Variants in MCF2L2 observed in about 807,000 individuals in gnomAD.
MCF2L2 encodes MCF.2 cell line derived transforming sequence-like 2.
Under a neutral mutation model 150.2 loss-of-function variants are expected in MCF2L2, and 102 were observed. That is an observed-to-expected ratio of 0.68 (90% CI 0.58 to 0.80). MCF2L2 has a LOEUF of 0.80. Ranked by LOEUF, MCF2L2 falls within the 30% of genes least tolerant of loss-of-function variation. The pLI is 0.00. For missense variants in MCF2L2, 1,256 were observed against 1,372.8 expected (o/e 0.91, Z 1.34); for synonymous variants, 465 against 491.3 (o/e 0.95, Z 0.71).
chr3:183,219,185 A>G (rs566040811), intron 21 of MCF2L2, among the ~76,000 whole-genome samples: 1 of 152,314 alleles, frequency 6.6e-6, no homozygotes, highest in East Asian at 1.9e-4. Flanking sequence ...TAGAAATTAG[A>G]TATACTAAGA....
intron 15 of MCF2L2, chr3:183,273,191 G>A (rs1726933935): frequency 6.3e-6 from 3 of 475,210 alleles, no homozygotes; most frequent in Non-Finnish European, 1.1e-5. Context: ...ATGGTCACTT[G>A]AATAGAAGAT....
chr3:183,217,899 T>C (rs1210812117), intron 21 of MCF2L2, among the ~76,000 whole-genome samples: 1 of 152,234 alleles, frequency 6.6e-6, no homozygotes, highest in Non-Finnish European at 1.5e-5. Flanking sequence ...ATTGGGGTGA[T>C]TGTTTCAGCT....
intron 1 of MCF2L2, among the ~76,000 whole-genome samples, chr3:183,390,774 G>A (rs977924117): frequency 2.6e-5 from 4 of 152,184 alleles, no homozygotes; most frequent in Middle Eastern, 3.2e-3. Context: ...ATGTATGCCT[G>A]CGGTCCCAGC....
At chr3:183,384,693 G>T (rs1208653422) in intron 2 of MCF2L2, among the ~76,000 whole-genome samples, 1 of 152,092 alleles carries the variant, frequency 6.6e-6, no homozygotes, top group Non-Finnish European at 1.5e-5. Context: ...ACTGATTTGA[G>T]TAATAACAAA....
chr3:183,356,180 A>G (rs993145202), intron 3 of MCF2L2, among the ~76,000 whole-genome samples: 68 of 151,764 alleles, frequency 4.5e-4, no homozygotes, highest in African/African-American at 1.6e-3. Flanking sequence ...AAAAAAAAAA[A>G]AAAAACTCTG....
In MCF2L2 at chr3:183,279,043, A is replaced by G. The variant is rs564708586; in HGVS notation, c.1777-2086T>C. 5.1e-4 allele frequency among the ~76,000 whole-genome samples: 78 copies of G among 152,168 alleles called. 1 individual carries two copies. The highest frequency in any genetic ancestry group is 1.7e-3 in the African/African-American group (72 of 41,474). ...AGAAGGACCCACAGCAGATCCAGAG[A>G]CTGCATTCATAAAAGCTGCACAGTA... On this transcript the variant is annotated intron_variant, in intron 14 of 29. Coordinates refer to ENST00000328913, the MANE Select transcript of MCF2L2 (RefSeq NM_015078.4).
rs1729275130 is a variant in MCF2L2, at chr3:183,309,738, T to C, written c.1091A>G (p.Lys364Arg). The C allele has an allele frequency of 6.2e-7, 1 of 1,613,870 alleles. No homozygotes were observed. The highest frequency in any genetic ancestry group is 1.7e-5 in the Admixed American group (1 of 59,976). The change falls in exon 10 of 30, where the codon AAA becomes AGA. Residue 364 changes from lysine (K) to arginine (R), a missense_variant. Physicochemically the swap from Lys to Arg is conservative, Grantham distance 26. Coordinates refer to ENST00000328913, the MANE Select transcript of MCF2L2 (RefSeq NM_015078.4). ...AACCTGGCTTTTTTCCTCCAGTTTT[T>C]TGTGTTCCTTAAGAATCTGCTCCAC... ...MHVEQILKEHKKLEEKSQEPL... is the reference protein window; with the variant it reads ...MHVEQILKEHRKLEEKSQEPL...
intron 5 of MCF2L2, among the ~76,000 whole-genome samples, chr3:183,323,920 G>A (rs1299460247): frequency 6.6e-6 from 1 of 151,972 alleles, no homozygotes. Context: ...CTTGGCTCAG[G>A]GAACACAGTT....
intron 27 of MCF2L2, among the ~76,000 whole-genome samples, chr3:183,189,469 C>T (rs769774627): frequency 6.6e-6 from 1 of 152,224 alleles, no homozygotes; most frequent in Non-Finnish European, 1.5e-5. Context: ...TCATCTGAGG[C>T]TTCCGCATAG....
rs1488326507 is a variant in MCF2L2, at chr3:183,270,849, CA to C, written c.1862+6022del. On this transcript the variant is annotated intron_variant, in intron 15 of 29. Transcript: ENST00000328913. This position sits in a 1 kb window ranked among gnomAD's most constrained non-coding sequence, Gnocchi z 4.5. ...AACCATTTCCAAAGGTTTTTTTGGT[CA>C]AATATACTGCAGATTAATGAAGATA... The C allele has an allele frequency of 6.2e-7, 1 of 1,613,390 alleles. No individual in the cohort carries two copies. The highest frequency in any genetic ancestry group is 8.5e-7 in the Non-Finnish European group (1 of 1,179,772).
At chr3:183,399,167 A>G (rs1714614597) in intron 1 of MCF2L2, among the ~76,000 whole-genome samples, 1 of 152,234 alleles carries the variant, frequency 6.6e-6, no homozygotes, top group Non-Finnish European at 1.5e-5. Context: ...TAGCAAATAT[A>G]TAATAGCCAT....
intron 6 of MCF2L2, 50 bp downstream of exon 6, chr3:183,323,185 T>G (rs761459692): frequency 7.4e-7 from 1 of 1,342,526 alleles, no homozygotes; most frequent in Non-Finnish European, 1.0e-6. Context: ...CACCCCATCT[T>G]CCAGAAAACA....
At chr3:183,233,423 T>C (rs1251016949) in intron 15 of MCF2L2, among the ~76,000 whole-genome samples, 1 of 151,838 alleles carries the variant, frequency 6.6e-6, no homozygotes, top group African/African-American at 2.4e-5. Context: ...TATATATATA[T>C]ACATATATAT....
intron 15 of MCF2L2, among the ~76,000 whole-genome samples, chr3:183,241,700 A>G (rs1393030637): frequency 6.6e-6 from 1 of 152,224 alleles, no homozygotes; most frequent in Non-Finnish European, 1.5e-5. Context: ...AGAATAGACT[A>G]ATACAGTAAA....
At chr3:183,335,045 G>A (rs1472595760) in intron 5 of MCF2L2, among the ~76,000 whole-genome samples, 1 of 151,454 alleles carries the variant, frequency 6.6e-6, no homozygotes, top group Admixed American at 6.6e-5. Context: ...TTGAGCCCAG[G>A]AGATGGAGGC....
At chr3:183,367,988 A>G (rs1482582180) in intron 3 of MCF2L2, among the ~76,000 whole-genome samples, 1 of 152,228 alleles carries the variant, frequency 6.6e-6, no homozygotes, top group Non-Finnish European at 1.5e-5. Flanking sequence ...AACAGCACTG[A>G]GCCAGGGGCC....
At chr3:183,410,735 G>A (rs1176171834) in intron 1 of MCF2L2, among the ~76,000 whole-genome samples, 1 of 152,186 alleles carries the variant, frequency 6.6e-6, no homozygotes, top group East Asian at 1.9e-4. Context: ...AAAGCATAAT[G>A]CCAGTACTTC....
intron 15 of MCF2L2, among the ~76,000 whole-genome samples, chr3:183,238,956 C>T (rs1723874227): frequency 7.0e-6 from 1 of 142,340 alleles, no homozygotes; most frequent in Non-Finnish European, 1.5e-5. Context: ...GAGATCACAC[C>T]ACTGCACTCC....
Position 183,228,381 on chromosome 3 carries a change from G to C in MCF2L2, c.2046-15C>G. The C allele has an allele frequency of 6.4e-7, 1 of 1,556,042 alleles. No homozygotes were observed. ...TTAGAAAAGTCCTAGAAAAATAAAA[G>C]TATACAAGTAATAATGTTTTGATTT... On this transcript the variant is annotated splice_polypyrimidine_tract_variant and intron_variant, in intron 17 of 29. Coordinates refer to ENST00000328913, the MANE Select transcript of MCF2L2 (RefSeq NM_015078.4).
Sources: gnomAD v4.1 joint callset for allele counts (sites outside exome capture counted in the v4.1 genomes callset) on GRCh38, gnomAD v4.1.1 for gene constraint, Gnocchi (gnomAD v3.1) non-coding constraint, MANE v1.5 for transcripts, NCBI Gene and HGNC (gene_info 2026-07-23, HGNC 2026-07-21) for gene names.